Variants in ZC3H13 observed in about 807,000 individuals in gnomAD.
ZC3H13 encodes zinc finger CCCH domain-containing protein 13.
In ZC3H13, 64 loss-of-function variants were observed where a neutral mutation model predicts 204.1. The ratio of observed to expected loss-of-function variants is 0.31; its 90% CI spans 0.26 to 0.39. The LOEUF is 0.39. ZC3H13 is among the 10% of genes least tolerant of loss of function. ZC3H13 has a pLI of 1.00. For missense variants in ZC3H13, 1,833 were observed against 2,082.7 expected (o/e 0.88, Z 2.33); for synonymous variants, 667 against 693.7 (o/e 0.96, Z 0.60).
In ZC3H13 at chr13:45,975,586, T is replaced by C; in HGVS notation, c.2165A>G (p.Glu722Gly). The C allele has an allele frequency of 6.4e-7, 1 of 1,569,666 alleles. No individual in the cohort carries two copies. Among genetic ancestry groups the C allele is most frequent in the Non-Finnish European group, 8.6e-7 (1 of 1,157,014 alleles). ...AREREREREK[E>G]RDRERDRDRD... ...GTCTCTATCCCTTTCACGATCTCTC[T>C]CTTTTTCTCTTTCTCTCTCCCGTTC... Residue 722 changes from glutamate (E) to glycine (G), a missense_variant, in exon 12 of 19, where the codon GAG becomes GGG. Glu to Gly is a moderately conservative substitution (Grantham distance 98, BLOSUM62 -2). Transcript: ENST00000679008.
At chr13:45,973,420 G>C (rs1952751363) in intron 12 of ZC3H13, among the ~76,000 whole-genome samples, 1 of 152,146 alleles carries the variant, frequency 6.6e-6, no homozygotes, top group Non-Finnish European at 1.5e-5. Flanking sequence ...TCAACTCTTA[G>C]ATTGTCTAAC....
chr13:46,030,897 A>G (rs1477382752), intron 4 of ZC3H13, among the ~76,000 whole-genome samples: 2 of 152,186 alleles, frequency 1.3e-5, no homozygotes, highest in African/African-American at 4.8e-5. Flanking sequence ...ATTAAATGTA[A>G]TCCCCACCAA....
chr13:46,052,700 GGCCGCTAGGAGGACCGCCTCAAAAT>G lies in ZC3H13; in HGVS notation c.-331_-307del. ...AGAAAAGGCAACAAAAACACTACCA[GGCCGCTAGGAGGACCGCCTCAAAAT>G]GCCGCCGGAAGTCAGAGGTTTGCCC... On this transcript the variant is annotated 5_prime_UTR_variant, in exon 1 of 19. Transcript: ENST00000679008. The G allele has an allele frequency of 2.5e-6, 1 of 398,638 alleles. No homozygotes were observed. Among genetic ancestry groups the G allele is most frequent in the Admixed American group, 4.4e-5 (1 of 22,738 alleles). The allele number at this position is 398,638 out of a possible 1,614,324, so 24.7% of individuals were successfully genotyped here. A position where few individuals can be genotyped will look rare whatever the true frequency, so the allele number is the denominator to read the frequency against.
chr13:46,046,718 C>T (rs1168005671), intron 1 of ZC3H13, among the ~76,000 whole-genome samples: 1 of 151,628 alleles, frequency 6.6e-6, no homozygotes, highest in Non-Finnish European at 1.5e-5. Flanking sequence ...GTAAATAAAA[C>T]ATTCAAAAAC....
chr13:45,977,223 A>T (rs1295403553), intron 11 of ZC3H13, among the ~76,000 whole-genome samples: 1 of 152,158 alleles, frequency 6.6e-6, no homozygotes, highest in Non-Finnish European at 1.5e-5. Context: ...GATTCCTAGA[A>T]TGCTATCTAC....
intron 4 of ZC3H13, among the ~76,000 whole-genome samples, chr13:46,040,292 C>A (rs1462908644): frequency 2.0e-5 from 3 of 152,142 alleles, no homozygotes; most frequent in Non-Finnish European, 1.5e-5. Context: ...AAAACTTCTA[C>A]ATAATTTAAG....
In ZC3H13 at chr13:46,003,300, T is replaced by C. The variant is rs2040885756; in HGVS notation, c.783A>G (p.Pro261=). 6.2e-7 allele frequency: 1 copy of C among 1,609,062 alleles called. No homozygotes were observed. Among genetic ancestry groups the C allele is most frequent in the Admixed American group, 1.7e-5 (1 of 58,836 alleles). Residue 261 remains proline, a synonymous_variant, in exon 8 of 19, where the codon CCA becomes CCG. Transcript: ENST00000679008. ...SKTNQSKKKG[P]RTPSPPPPIP... ...TAGGAGGGGGTGGACTAGGAGTACG[T>C]GGTCCTTTCTTTTTACTTTGGTTGG...
intron 6 of ZC3H13, 53 bp downstream of exon 6, chr13:46,011,362 A>G (rs2138662580): frequency 1.3e-6 from 2 of 1,500,416 alleles, no homozygotes; most frequent in East Asian, 2.3e-5. Flanking sequence ...TTATCTGATC[A>G]ATACAAATGC....
At chr13:46,017,893 C>T (rs537411004) in intron 5 of ZC3H13, among the ~76,000 whole-genome samples, 6 of 152,106 alleles carry the variant, frequency 3.9e-5, no homozygotes, top group South Asian at 4.2e-4. Context: ...AAAAACTGTG[C>T]GTTTCAATCA....
At chr13:45,963,318 C>T in intron 17 of ZC3H13, 1 of 986,532 alleles carries the variant, frequency 1.0e-6, no homozygotes. Context: ...CCAAAATACC[C>T]AATTTCTTTA....
At chr13:46,034,508 T>G (rs149059519) in intron 4 of ZC3H13, among the ~76,000 whole-genome samples, 2 of 152,142 alleles carry the variant, frequency 1.3e-5, no homozygotes, top group African/African-American at 2.4e-5. Context: ...GTAAGTACTA[T>G]GCTGAAAGAA....
At chr13:45,987,644 T>C (rs906629162) in intron 9 of ZC3H13, among the ~76,000 whole-genome samples, 15 of 152,208 alleles carry the variant, frequency 9.9e-5, no homozygotes, top group African/African-American at 3.6e-4. Flanking sequence ...CGACTGATTA[T>C]TGCTTGCATT....
At chr13:45,957,504 G>C (rs1951345428) in intron 18 of ZC3H13, among the ~76,000 whole-genome samples, 1 of 152,178 alleles carries the variant, frequency 6.6e-6, no homozygotes, top group African/African-American at 2.4e-5. Context: ...AGGGCACCTA[G>C]TTTAACCTCT....
At chr13:46,045,961 G>T (rs1347515882) in intron 1 of ZC3H13, among the ~76,000 whole-genome samples, 2 of 152,142 alleles carry the variant, frequency 1.3e-5, no homozygotes, top group Non-Finnish European at 2.9e-5. Flanking sequence ...ATAAAATTGG[G>T]TGAAAATTTT....
At chr13:46,042,603 C>T (rs1434833335) in intron 3 of ZC3H13, among the ~76,000 whole-genome samples, 1 of 151,964 alleles carries the variant, frequency 6.6e-6, no homozygotes, top group Admixed American at 6.5e-5. Flanking sequence ...GACTTGTTTT[C>T]CTATTAATCA....
chr13:46,016,894 A>C (rs2041942721), intron 5 of ZC3H13, among the ~76,000 whole-genome samples: 1 of 152,150 alleles, frequency 6.6e-6, no homozygotes, highest in Admixed American at 6.6e-5. Flanking sequence ...TATTAGTAGT[A>C]TATCAAGAGA....
intron 9 of ZC3H13, among the ~76,000 whole-genome samples, chr13:45,986,997 C>T (rs1224217456): frequency 3.3e-5 from 5 of 152,294 alleles, no homozygotes; most frequent in South Asian, 2.1e-4. Context: ...GACATATCTC[C>T]ATCCCTTTCT....
At chr13:45,970,793 T>C (rs758960571) in intron 12 of ZC3H13, among the ~76,000 whole-genome samples, 5 of 152,206 alleles carry the variant, frequency 3.3e-5, no homozygotes, top group Non-Finnish European at 7.3e-5. Context: ...CCCTCTGATA[T>C]AAACATTCAG....
chr13:45,993,173 T>C (rs1464704789), intron 8 of ZC3H13, among the ~76,000 whole-genome samples: 2 of 152,096 alleles, frequency 1.3e-5, no homozygotes, highest in Non-Finnish European at 2.9e-5. Context: ...TGTAACAACA[T>C]TTATACAAAA....
Sources: gnomAD v4.1 joint callset for allele counts (sites outside exome capture counted in the v4.1 genomes callset) on GRCh38, gnomAD v4.1.1 for gene constraint, MANE v1.5 for transcripts, NCBI Gene and HGNC (gene_info 2026-07-23, HGNC 2026-07-21) for gene names.